The following SMAP2 variants were observed in gnomAD, a reference collection of about 807,000 sequenced individuals.
SMAP2 encodes the protein small ArfGAP2, also known as stromal membrane-associated protein 2.
Under a neutral mutation model 56.4 loss-of-function variants are expected in SMAP2, and 25 were observed. The ratio of observed to expected loss-of-function variants is 0.44; its 90% CI spans 0.32 to 0.62. The LOEUF is 0.62. Among genes scored for constraint, SMAP2 ranks in the 20% least tolerant of loss-of-function variants. SMAP2 has a pLI of 0.04. For synonymous variants in SMAP2, 157 were observed against 181.7 expected (o/e 0.86, Z 1.09); for missense variants, 388 against 545.6 (o/e 0.71, Z 2.88).
chr1:40,399,321 T>TA (rs66536964), intron 1 of SMAP2, among the ~76,000 whole-genome samples: 541 of 119,778 alleles, frequency 4.5e-3, no homozygotes, highest in African/African-American at 0.011. Context: ...TTTTTTTTTT[T>TA]TTTTTTTTTT....
rs184603091 is a variant in SMAP2 at position 40,353,550 on chromosome 1, A to G, written c.-83+8640A>G. 8.0e-3 allele frequency among the ~76,000 whole-genome samples: 1,211 copies of G among 151,862 alleles called. 8 individuals carry two copies. The highest frequency in any genetic ancestry group is 0.017 in the Admixed American group (260 of 15,238). The stretch of plus-strand genomic sequence containing the variant: ...TGCCCGGCTAATTTTTTGTATTTTT[A>G]GTAGAGATGGGTTTTCACCATGTTG... On this transcript the variant is annotated intron_variant, in intron 1 of 6. Transcript: ENST00000435168.
In SMAP2 at chr1:40,401,403, C is replaced by T. The variant is rs143242743; in HGVS notation, c.104-5333C>T. Reference sequence around the variant, plus strand: ...GGAAGATGGGAAAGTTCTCTCCCTTCGCGTAGCCTGCCCGTTGAACTTTTT... The same window carrying T: ...GGAAGATGGGAAAGTTCTCTCCCTTTGCGTAGCCTGCCCGTTGAACTTTTT... On this transcript the variant is annotated intron_variant, in intron 1 of 9. Coordinates refer to ENST00000372718, the MANE Select transcript of SMAP2 (RefSeq NM_022733.3). Among the ~76,000 whole-genome samples, 244 of 152,304 alleles carry T rather than the reference C, an allele frequency of 1.6e-3. 2 individuals are homozygous for T. The highest frequency in any genetic ancestry group is 5.7e-3 in the African/African-American group (236 of 41,566).
At chr1:40,403,959 A>G (rs563120156) in intron 1 of SMAP2, among the ~76,000 whole-genome samples, 3 of 152,230 alleles carry the variant, frequency 2.0e-5, no homozygotes, top group African/African-American at 7.2e-5. Flanking sequence ...TTAGCTGGGC[A>G]TGGTGTTGCA....
chr1:40,412,274 C>A (rs1644943546), intron 4 of SMAP2, among the ~76,000 whole-genome samples: 1 of 152,142 alleles, frequency 6.6e-6, no homozygotes, highest in Non-Finnish European at 1.5e-5. Flanking sequence ...AATATACTTT[C>A]CAGAATTTGT....
intron 1 of SMAP2, among the ~76,000 whole-genome samples, chr1:40,395,651 C>G (rs945536097): frequency 2.0e-5 from 3 of 152,046 alleles, no homozygotes; most frequent in Non-Finnish European, 4.4e-5. Context: ...TTGAGATAAT[C>G]TGGTTAAGGT....
At chr1:40,404,905 G>A (rs1175603551) in intron 1 of SMAP2, among the ~76,000 whole-genome samples, 2 of 152,094 alleles carry the variant, frequency 1.3e-5, no homozygotes, top group African/African-American at 4.8e-5. Flanking sequence ...GATACATGGC[G>A]GACCAACTAT....
intron 2 of SMAP2, 98 bp downstream of exon 2, chr1:40,406,967 G>T: frequency 3.0e-6 from 4 of 1,342,150 alleles, no homozygotes; most frequent in South Asian, 1.6e-5. Context: ...TGAAGATAAA[G>T]GAAAATTTAG....
In SMAP2 at chr1:40,413,028, G is replaced by A. The variant is rs956288420; in HGVS notation, c.415G>A (p.Asp139Asn). The part of the protein sequence containing the change: ...DINAFRKEKD[D>N]KWKRGSEPVP... ...TAAATCATTATAGAAAGAAAAAGAT[G>A]ACAAGTGGAAAAGAGGGAGCGAACC... The change falls in exon 5 of 10, where the codon GAC becomes AAC. Residue 139 changes from aspartate to asparagine, a missense_variant. Asp to Asn is a conservative substitution (Grantham distance 23). Transcript: ENST00000372718. The A allele has an allele frequency of 1.9e-6, 3 of 1,610,750 alleles. No individual in the cohort carries two copies. The highest frequency in any genetic ancestry group is 2.5e-6 in the Non-Finnish European group (3 of 1,178,740).
intron 1 of SMAP2, among the ~76,000 whole-genome samples, chr1:40,352,175 T>A (rs1275193945): frequency 6.6e-6 from 1 of 152,188 alleles, no homozygotes; most frequent in Non-Finnish European, 1.5e-5. Flanking sequence ...ATAAATAGTG[T>A]TGATAAGGTG....
chr1:40,403,613 G>A (rs149444576), intron 1 of SMAP2: 1 of 982,462 alleles, frequency 1.0e-6, no homozygotes, highest in South Asian at 4.7e-5. Flanking sequence ...GATGGGAAGT[G>A]GGTTCTGGAA....
At chr1:40,360,998 T>C (rs1644457547) in intron 1 of SMAP2, among the ~76,000 whole-genome samples, 1 of 152,200 alleles carries the variant, frequency 6.6e-6, no homozygotes, top group South Asian at 2.1e-4. Context: ...GCACATGACT[T>C]AATAAGACAC....
chr1:40,393,663 A>G (rs1021271819), intron 1 of SMAP2, among the ~76,000 whole-genome samples: 2 of 149,162 alleles, frequency 1.3e-5, no homozygotes, highest in Admixed American at 1.4e-4. Flanking sequence ...CCCCTGCCTC[A>G]GCCTCCTGAA....
At chr1:40,365,570 C>T (rs1400765658) in intron 2 of SMAP2, among the ~76,000 whole-genome samples, 1 of 152,186 alleles carries the variant, frequency 6.6e-6, no homozygotes, top group Non-Finnish European at 1.5e-5. Context: ...CTCCGGTCTA[C>T]AGCTCCCAGC....
rs570260342 is a variant in SMAP2, at chr1:40,365,127, A to G, written c.55+2691A>G. On this transcript the variant is annotated intron_variant, in intron 2 of 6. Coordinates refer to the SMAP2 transcript ENST00000435168. Reference sequence around the variant, plus strand: ...TGTCATTACTCAAGAAAAATTGCCAAGACATTCAAGCTTTATATACTGAGA... The same window carrying G: ...TGTCATTACTCAAGAAAAATTGCCAGGACATTCAAGCTTTATATACTGAGA... 8 of 191,848 alleles carry G rather than the reference A, an allele frequency of 4.2e-5. No individual in the cohort carries two copies. The South Asian group carries it at 7.8e-4, about 19-fold the overall frequency. 11.9% of individuals were successfully genotyped at this position (191,848 alleles called of 1,614,324 possible).
At chr1:40,391,997 C>T (rs1194314685) in intron 1 of SMAP2, among the ~76,000 whole-genome samples, 1 of 151,912 alleles carries the variant, frequency 6.6e-6, no homozygotes, top group Non-Finnish European at 1.5e-5. Flanking sequence ...TTTGAAATAT[C>T]AGGTCCACCT....
chr1:40,359,526 G>T (rs144353725), intron 1 of SMAP2, among the ~76,000 whole-genome samples: 1 of 152,020 alleles, frequency 6.6e-6, no homozygotes, highest in Non-Finnish European at 1.5e-5. Flanking sequence ...TGTTATTATT[G>T]GTAAGTAAGG....
intron 2 of SMAP2, among the ~76,000 whole-genome samples, chr1:40,363,117 A>G (rs1330908427): frequency 5.2e-4 from 79 of 152,226 alleles, no homozygotes; most frequent in Non-Finnish European, 1.0e-4. Context: ...ATCAATGAAT[A>G]CAAAGCACAA....
At chr1:40,415,133 C>G in intron 6 of SMAP2, 139 bp from the exon 7 acceptor site, 1 of 655,868 alleles carries the variant, frequency 1.5e-6, no homozygotes, top group Non-Finnish European at 2.7e-6. Context: ...TGAGAAGCCC[C>G]GTCCATGCTA....
chr1:40,355,142 A>G (rs1644429855), intron 1 of SMAP2, among the ~76,000 whole-genome samples: 1 of 152,050 alleles, frequency 6.6e-6, no homozygotes. Flanking sequence ...CTGATAAAGA[A>G]TAATTGTGGT....
Sources: gnomAD v4.1 joint callset for allele counts (sites outside exome capture counted in the v4.1 genomes callset) on GRCh38, gnomAD v4.1.1 for gene constraint, MANE v1.5 for transcripts, NCBI Gene and HGNC (gene_info 2026-07-23, HGNC 2026-07-21) for gene names.